SNTG1: variants seen among roughly 807,000 people sequenced by gnomAD.
SNTG1 encodes gamma-1-syntrophin.
SNTG1 carries 39 observed loss-of-function variants against 74.7 expected under a neutral mutation model. The observed-to-expected ratio is 0.52, with a 90% CI of 0.40 to 0.68. The LOEUF (loss-of-function observed/expected upper bound fraction) is 0.68, where lower values mean the gene tolerates loss of function less well. Among genes scored for constraint, SNTG1 ranks in the 30% least tolerant of loss-of-function variants. The pLI, the probability that SNTG1 is intolerant of heterozygous loss-of-function variation, is 0.00. For synonymous variants in SNTG1, 254 were observed against 217.1 expected (o/e 1.17, Z -1.49); for missense variants, 685 against 609.5 (o/e 1.12, Z -1.30).
At chr8:50,602,118 T>C (rs2130935506) in intron 13 of SNTG1, among the ~76,000 whole-genome samples, 1 of 152,250 alleles carries the variant, frequency 6.6e-6, no homozygotes. Context: ...TTACATTCAA[T>C]GTTATTATTG....
intron 10 of SNTG1, among the ~76,000 whole-genome samples, chr8:50,530,569 CT>C (rs2094258778): frequency 1.3e-5 from 2 of 152,058 alleles, no homozygotes; most frequent in African/African-American, 4.8e-5. Flanking sequence ...GTTCAAAATG[CT>C]TTGACATTAG....
At chr8:50,473,531 C>T (rs747048158) in intron 8 of SNTG1, among the ~76,000 whole-genome samples, 8 of 152,098 alleles carry the variant, frequency 5.3e-5, no homozygotes, top group Non-Finnish European at 1.2e-4. Flanking sequence ...AAGTTAAAAA[C>T]ATAGCTACCA....
intron 2 of SNTG1, among the ~76,000 whole-genome samples, chr8:50,180,292 T>A (rs2083154885): frequency 6.6e-6 from 1 of 152,006 alleles, no homozygotes; most frequent in Non-Finnish European, 1.5e-5. Context: ...AATAAAGAGA[T>A]GGGAATCAAA....
intron 15 of SNTG1, among the ~76,000 whole-genome samples, chr8:50,663,669 T>C (rs1418625401): frequency 6.6e-6 from 1 of 152,204 alleles, no homozygotes; most frequent in African/African-American, 2.4e-5. Context: ...GACTAAAATC[T>C]CAAGAAAGCC....
At chr8:50,039,301 A>G in intron 1 of SNTG1, among the ~76,000 whole-genome samples, 1 of 151,948 alleles carries the variant, frequency 6.6e-6, no homozygotes, top group East Asian at 1.9e-4. Context: ...TAAAAATGCA[A>G]AAAAGTAGCG....
At chr8:50,170,465 C>T (rs916693519) in intron 1 of SNTG1, among the ~76,000 whole-genome samples, 1 of 151,912 alleles carries the variant, frequency 6.6e-6, no homozygotes, top group Non-Finnish European at 1.5e-5. Flanking sequence ...AACTCCTTAT[C>T]ATGTAAATTA....
chr8:50,639,168 C>A (rs1287388811), intron 13 of SNTG1, among the ~76,000 whole-genome samples: 1 of 150,726 alleles, frequency 6.6e-6, no homozygotes, highest in African/African-American at 2.4e-5. Flanking sequence ...TCTGTAAGAG[C>A]AGTTCATTAT....
In SNTG1 at chr8:50,402,425, T is replaced by C. The variant is rs77605448; in HGVS notation, c.162+81T>C. 4,650 of 1,470,632 alleles carry C rather than the reference T, an allele frequency of 3.2e-3. 12 individuals are homozygous for C. The highest frequency in any genetic ancestry group is 4.0e-3 in the Non-Finnish European group (4,355 of 1,095,062). 91.1% of individuals were successfully genotyped at this position (1,470,632 alleles called of 1,614,324 possible). A position where few individuals can be genotyped will look rare whatever the true frequency, so the allele number is the denominator to read the frequency against. ...ATGTTTATTCACAGGGCATTTTAAA[T>C]ATGTTTTTCTTTCAGTGTCTAGTCA... On this transcript the variant is annotated intron_variant, in intron 4 of 18. Coordinates refer to ENST00000642720, the MANE Select transcript of SNTG1 (RefSeq NM_018967.5).
chr8:50,332,174 T>C (rs2090990592), intron 2 of SNTG1, among the ~76,000 whole-genome samples: 1 of 152,214 alleles, frequency 6.6e-6, no homozygotes, highest in Non-Finnish European at 1.5e-5. Context: ...GATCTTTCCA[T>C]CTATTCAAAT....
chr8:50,538,383 G>T (rs1183403822), intron 11 of SNTG1, among the ~76,000 whole-genome samples: 1 of 151,916 alleles, frequency 6.6e-6, no homozygotes, highest in Non-Finnish European at 1.5e-5. Context: ...TTCTTTTACC[G>T]CTTCCTTTCT....
chr8:50,285,094 C>G (rs1297363411), intron 2 of SNTG1, among the ~76,000 whole-genome samples: 3 of 152,008 alleles, frequency 2.0e-5, no homozygotes, highest in African/African-American at 7.2e-5. Context: ...AGATAAAGAA[C>G]AGCAAATGTT....
At chr8:49,930,103 C>T (rs969348585) in intron 1 of SNTG1, among the ~76,000 whole-genome samples, 3 of 151,992 alleles carry the variant, frequency 2.0e-5, no homozygotes, top group Admixed American at 2.0e-4. Context: ...GCTTCGAAAA[C>T]AATTTATACT....
chr8:50,556,040 A>G (rs1382011390), intron 12 of SNTG1, among the ~76,000 whole-genome samples: 1 of 152,180 alleles, frequency 6.6e-6, no homozygotes, highest in East Asian at 1.9e-4. Context: ...TAAAAATTCT[A>G]TATAATTATA....
chr8:50,060,860 T>C (rs1238967769), intron 1 of SNTG1, among the ~76,000 whole-genome samples: 2 of 152,172 alleles, frequency 1.3e-5, no homozygotes, highest in East Asian at 1.9e-4. Context: ...GTATATTACA[T>C]TGATCGATTT....
At chr8:50,731,124 C>A (rs2095511926) in intron 17 of SNTG1, among the ~76,000 whole-genome samples, 1 of 152,082 alleles carries the variant, frequency 6.6e-6, no homozygotes, top group Non-Finnish European at 1.5e-5. Context: ...CAGTATTCAT[C>A]TTTATTTCAG....
chr8:50,531,925 G>A (rs143042249), intron 10 of SNTG1, among the ~76,000 whole-genome samples: 6 of 152,178 alleles, frequency 3.9e-5, no homozygotes, highest in Admixed American at 1.3e-4. Flanking sequence ...AATCATTCTG[G>A]TTTGTTTTTA....
At chr8:50,344,590 C>T (rs1290867457) in intron 2 of SNTG1, among the ~76,000 whole-genome samples, 1 of 152,204 alleles carries the variant, frequency 6.6e-6, no homozygotes, top group Admixed American at 6.5e-5. Flanking sequence ...CACATCTGCC[C>T]TCTGGCCACT....
At chr8:49,955,439 G>T (rs963900828) in intron 1 of SNTG1, among the ~76,000 whole-genome samples, 1 of 152,144 alleles carries the variant, frequency 6.6e-6, no homozygotes, top group Non-Finnish European at 1.5e-5. Context: ...ACTATGGCAG[G>T]GTCCAGTGAA....
At chr8:50,122,273 A>C (rs1288648675) in intron 1 of SNTG1, among the ~76,000 whole-genome samples, 1 of 142,298 alleles carries the variant, frequency 7.0e-6, no homozygotes, top group African/African-American at 2.5e-5. Context: ...GCAAATAGTA[A>C]AATGGGTAAA....
Sources: gnomAD v4.1 joint callset for allele counts (sites outside exome capture counted in the v4.1 genomes callset) on GRCh38, gnomAD v4.1.1 for gene constraint, MANE v1.5 for transcripts, NCBI Gene and HGNC (gene_info 2026-07-23, HGNC 2026-07-21) for gene names.